RANBP2: variants seen among roughly 807,000 people sequenced by gnomAD.
RANBP2 encodes the protein RAN binding protein 2, also known as E3 SUMO-protein ligase RanBP2.
RANBP2 carries 57 observed loss-of-function variants against 303.6 expected under a neutral mutation model. The observed-to-expected ratio is 0.19, with a 90% CI of 0.15 to 0.23. RANBP2 has a LOEUF of 0.23. RANBP2 is among the 10% of genes least tolerant of loss of function. The pLI, the probability that RANBP2 is intolerant of heterozygous loss-of-function variation, is 1.00. For missense variants in RANBP2, 3,138 were observed against 3,780.8 expected, an observed-to-expected ratio of 0.83 and a Z score of 4.46; for synonymous variants, 1,167 against 1,301.5, an observed-to-expected ratio of 0.90 and a Z score of 2.23.
chr2:109,692,025 A>G, the RANBP2 span, among the ~76,000 whole-genome samples: 1 of 151,354 alleles, frequency 6.6e-6, no homozygotes, highest in Non-Finnish European at 1.5e-5. Flanking sequence ...CTCATGATCC[A>G]CCCGCCTCGG....
the RANBP2 span, among the ~76,000 whole-genome samples, chr2:109,401,249 G>A: frequency 1.3e-5 from 2 of 152,232 alleles, no homozygotes; most frequent in Non-Finnish European, 1.5e-5. Flanking sequence ...AACTGTTGGC[G>A]ATGTGAACAG....
the RANBP2 span, among the ~76,000 whole-genome samples, chr2:109,095,147 A>G: frequency 1.3e-5 from 2 of 148,632 alleles, no homozygotes; most frequent in Non-Finnish European, 3.0e-5. Context: ...AGGCCTGGGA[A>G]CATGTGGAGT....
the RANBP2 span, among the ~76,000 whole-genome samples, chr2:109,006,429 C>A: frequency 6.6e-6 from 1 of 152,086 alleles, no homozygotes; most frequent in South Asian, 2.1e-4. Context: ...CTCCTGACCT[C>A]ATGATCCGCC....
At chr2:109,394,706 C>T in the RANBP2 span, among the ~76,000 whole-genome samples, 1,056 of 152,320 alleles carry the variant, frequency 6.9e-3, 9 homozygotes, top group African/African-American at 0.024. Flanking sequence ...AACAAGGTGA[C>T]GCCACATGCA....
At chr2:109,428,398 G>A in the RANBP2 span, among the ~76,000 whole-genome samples, 8 of 152,366 alleles carry the variant, frequency 5.3e-5, no homozygotes, top group East Asian at 1.4e-3. Flanking sequence ...AGGCTGTGCT[G>A]TTAGTTTCAA....
the RANBP2 span, among the ~76,000 whole-genome samples, chr2:109,103,457 C>T: frequency 6.6e-6 from 1 of 152,106 alleles, no homozygotes; most frequent in African/African-American, 2.4e-5. Flanking sequence ...TACATTCGGT[C>T]CTGAAAGGTG....
chr2:109,412,422 G>C, the RANBP2 span, among the ~76,000 whole-genome samples: 1 of 152,220 alleles, frequency 6.6e-6, no homozygotes, highest in Non-Finnish European at 1.5e-5. Flanking sequence ...GGGACAGCTT[G>C]GCTGTTTCTG....
At chr2:109,169,059 A>G in the RANBP2 span, among the ~76,000 whole-genome samples, 4 of 152,220 alleles carry the variant, frequency 2.6e-5, no homozygotes, top group Non-Finnish European at 5.9e-5. Context: ...AAGTGGCACT[A>G]GGAACCACCA....
chr2:108,778,414 C>T (rs1265573623), intron 25 of RANBP2, among the ~76,000 whole-genome samples: 1 of 152,066 alleles, frequency 6.6e-6, no homozygotes, highest in Non-Finnish European at 1.5e-5. Context: ...TGTTTGTATC[C>T]ACAGGTTTTC....
the RANBP2 span, among the ~76,000 whole-genome samples, chr2:109,350,082 G>A: frequency 9.2e-5 from 14 of 152,260 alleles, no homozygotes; most frequent in African/African-American, 3.4e-4. Context: ...ATTTAGTGTG[G>A]GCTCCTGAGT....
chr2:108,923,862 C>T, the RANBP2 span, among the ~76,000 whole-genome samples: 1 of 152,256 alleles, frequency 6.6e-6, no homozygotes. Context: ...TGAGCACCCT[C>T]CCCAGAGCCT....
chr2:108,857,655 C>A, the RANBP2 span, among the ~76,000 whole-genome samples: 1 of 152,158 alleles, frequency 6.6e-6, no homozygotes, highest in Non-Finnish European at 1.5e-5. Context: ...ATTGGACTTA[C>A]AGTTGATGAC....
the RANBP2 span, among the ~76,000 whole-genome samples, chr2:109,493,755 CACACCAA>C: frequency 6.6e-6 from 1 of 152,020 alleles, no homozygotes; most frequent in African/African-American, 2.4e-5. Context: ...ACACACACTG[CACACCAA>C]ACATGCACTG....
At chr2:109,550,605 C>T in the RANBP2 span, among the ~76,000 whole-genome samples, 28 of 152,244 alleles carry the variant, frequency 1.8e-4, no homozygotes, top group Middle Eastern at 3.4e-3. Flanking sequence ...TGAGCCACCA[C>T]GCCCGGCCCC....
chr2:109,613,740 G>T, the RANBP2 span: 1 of 1,126,744 alleles, frequency 8.9e-7, no homozygotes, highest in Non-Finnish European at 1.1e-6. Flanking sequence ...TCGAGGGCGG[G>T]AAGTCCCGCG....
At chr2:109,022,531 G>GT in the RANBP2 span, among the ~76,000 whole-genome samples, 1 of 152,172 alleles carries the variant, frequency 6.6e-6, no homozygotes, top group Non-Finnish European at 1.5e-5. Flanking sequence ...TTTCTCAATT[G>GT]TAAGTGGGAG....
chr2:109,514,340 G>A, the RANBP2 span, among the ~76,000 whole-genome samples: 10 of 152,282 alleles, frequency 6.6e-5, no homozygotes, highest in Non-Finnish European at 1.5e-4. Flanking sequence ...ACAGACCAGG[G>A]CTGTTAGGAA....
the RANBP2 span, among the ~76,000 whole-genome samples, chr2:109,569,681 A>G: frequency 1.3e-5 from 2 of 152,168 alleles, no homozygotes; most frequent in Admixed American, 1.3e-4. Context: ...CTTAGTTTCA[A>G]TATTATATAC....
chr2:109,647,135 C>A, the RANBP2 span, among the ~76,000 whole-genome samples: 1 of 150,274 alleles, frequency 6.7e-6, no homozygotes, highest in Non-Finnish European at 1.5e-5. Flanking sequence ...GAAGTGTCAG[C>A]CACTCAATGG....
Sources: allele counts gnomAD v4.1 joint callset (sites outside exome capture counted in the v4.1 genomes callset), GRCh38; gene constraint gnomAD v4.1.1; transcripts MANE v1.5; gene names NCBI Gene and HGNC (gene_info 2026-07-23, HGNC 2026-07-21).